The following NFATC1 variants were observed in gnomAD, a reference collection of about 807,000 sequenced individuals.
NFATC1 encodes nuclear factor of activated T-cells, cytoplasmic 1.
NFATC1 carries 22 observed loss-of-function variants against 76.0 expected under a neutral mutation model. The ratio of observed to expected loss-of-function variants is 0.29; its 90% CI spans 0.21 to 0.41. The LOEUF is 0.41. NFATC1 is among the 10% of genes least tolerant of loss of function. NFATC1 has a pLI of 1.00. For missense variants in NFATC1, 1,357 were observed against 1,337.7 expected (o/e 1.01, Z -0.23); for synonymous variants, 704 against 613.1 (o/e 1.15, Z -2.19).
chr18:79,483,444 G>A (rs1478522253), intron 8 of NFATC1, among the ~76,000 whole-genome samples: 2 of 141,756 alleles, frequency 1.4e-5, no homozygotes, highest in Non-Finnish European at 3.1e-5. Flanking sequence ...CTGGTCCTGG[G>A]GTGTAAGTCC....
chr18:79,434,664 G>A (rs951340354), intron 3 of NFATC1, among the ~76,000 whole-genome samples: 3 of 152,260 alleles, frequency 2.0e-5, no homozygotes, highest in Non-Finnish European at 2.9e-5. Context: ...CCCCAGCCCC[G>A]TTATTTAGGG....
chr18:79,452,685 C>T (rs2087526342), intron 6 of NFATC1, among the ~76,000 whole-genome samples: 1 of 152,324 alleles, frequency 6.6e-6, no homozygotes, highest in Admixed American at 6.5e-5. Context: ...GGGACCCTAG[C>T]CCAGCCCTCA....
In NFATC1 at chr18:79,528,474, C is replaced by T. The variant is rs1324028236; in HGVS notation, c.*897C>T. 6.6e-6 allele frequency: 1 copy of T among 152,276 alleles called. No homozygotes were observed. The highest frequency in any genetic ancestry group is 1.5e-5 in the Non-Finnish European group (1 of 68,056). 9.4% of individuals were successfully genotyped at this position (152,276 alleles called of 1,614,324 possible). A position where few individuals can be genotyped will look rare whatever the true frequency, so the allele number is the denominator to read the frequency against. ...CAATAACCGGCATCCGTTTTGGAAC[C>T]TGCGTCTGGGGCTCCAGTCGCTGCT... On this transcript the variant is annotated 3_prime_UTR_variant, in exon 10 of 10. Coordinates refer to ENST00000427363, the MANE Select transcript of NFATC1 (RefSeq NM_001278669.2).
intron 9 of NFATC1, chr18:79,523,825 C>T (rs756929090): frequency 2.0e-5 from 3 of 152,152 alleles, no homozygotes; most frequent in Non-Finnish European, 4.4e-5. Context: ...AAAAGCCCTC[C>T]TTATTAAATT....
chr18:79,476,199 G>A (rs1448874926), intron 8 of NFATC1, among the ~76,000 whole-genome samples: 2 of 152,212 alleles, frequency 1.3e-5, no homozygotes, highest in Non-Finnish European at 2.9e-5. Context: ...GCTTGGCGAC[G>A]CCAGCCGCGC....
intron 8 of NFATC1, among the ~76,000 whole-genome samples, chr18:79,475,901 CAG>C (rs2089046924): frequency 6.6e-6 from 1 of 152,204 alleles, no homozygotes. Context: ...CTGCAGAAAT[CAG>C]AGATGAGGGG....
rs1219933607 is a variant in NFATC1, at chr18:79,522,461, G to C, written c.2783-5067G>C. On this transcript the variant is annotated intron_variant, in intron 9 of 9. Transcript: ENST00000427363. ...TTTTGTGTGTGTGTTGGGGGGGTGCGTCTACTGATGTCTGTGTGTGGAGGG... is the reference window on the plus strand; with the variant it reads ...TTTTGTGTGTGTGTTGGGGGGGTGCCTCTACTGATGTCTGTGTGTGGAGGG... Among the ~76,000 whole-genome samples the C allele has an allele frequency of 2.6e-5, 3 of 117,010 alleles. No individual in the cohort carries two copies. In the Admixed American group the frequency reaches 3.0e-4, roughly 12 times the overall value. 76.8% of individuals were successfully genotyped at this position (117,010 alleles called of 152,430 possible).
At chr18:79,476,773 GGTT>G (rs2089090233) in intron 8 of NFATC1, among the ~76,000 whole-genome samples, 2 of 152,342 alleles carry the variant, frequency 1.3e-5, no homozygotes, top group South Asian at 4.1e-4. Flanking sequence ...ACATGGCCAG[GGTT>G]AGCCACGGTT....
At chr18:79,411,833 G>A (rs1381906443) in intron 2 of NFATC1, among the ~76,000 whole-genome samples, 3 of 152,252 alleles carry the variant, frequency 2.0e-5, no homozygotes, top group Non-Finnish European at 2.9e-5. Context: ...CCCTGCTGGC[G>A]GTCAGGGCTT....
chr18:79,397,220 C>CCCTTGCAGAGGTGTGAGCAGAGGTGT (rs950800529), intron 1 of NFATC1, among the ~76,000 whole-genome samples: 1 of 152,154 alleles, frequency 6.6e-6, no homozygotes, highest in African/African-American at 2.4e-5. Context: ...TGTGAGCATA[C>CCCTTGCAGAGGTGTGAGCAGAGGTGT]GAGTTAGGGA....
chr18:79,402,786 C>G (rs890312139), intron 1 of NFATC1, among the ~76,000 whole-genome samples: 1 of 152,228 alleles, frequency 6.6e-6, no homozygotes. Flanking sequence ...ACCATTATTA[C>G]TGCATTTTGA....
At chr18:79,463,693 A>G (rs971143904) in intron 7 of NFATC1, among the ~76,000 whole-genome samples, 5 of 152,160 alleles carry the variant, frequency 3.3e-5, no homozygotes, top group Non-Finnish European at 7.4e-5. Context: ...TGCTGGGTAC[A>G]CTGACATCTG....
chr18:79,449,506 G>GT (rs2087365722), intron 4 of NFATC1, among the ~76,000 whole-genome samples: 1 of 152,248 alleles, frequency 6.6e-6, no homozygotes, highest in African/African-American at 2.4e-5. Flanking sequence ...GCTTGTGCTG[G>GT]GCACGCTGGC....
At chr18:79,451,406 G>A (rs148385224) in intron 5 of NFATC1, among the ~76,000 whole-genome samples, 6 of 152,376 alleles carry the variant, frequency 3.9e-5, no homozygotes, top group Middle Eastern at 3.4e-3. Context: ...TGACCTTTGC[G>A]TATTTGTGCG....
At chr18:79,522,159 GTGT>G (rs1251235510) in intron 9 of NFATC1, among the ~76,000 whole-genome samples, 21 of 39,346 alleles carry the variant, frequency 5.3e-4, no homozygotes, top group African/African-American at 6.9e-4. Context: ...GTCTGTGTGT[GTGT>G]GGGGGGGTAT....
In NFATC1 at chr18:79,486,550, G is replaced by A. The variant is rs199958849; in HGVS notation, c.2395G>A (p.Ala799Thr). The A allele has an allele frequency of 5.1e-4, 819 of 1,595,216 alleles. No individual in the cohort carries two copies. Among genetic ancestry groups the A allele is most frequent in the Non-Finnish European group, 6.5e-4 (760 of 1,176,186 alleles). Reference protein sequence around the residue: ...GLPQPAGEAPAVQDVPRPVAT... With the variant: ...GLPQPAGEAPTVQDVPRPVAT... The stretch of plus-strand genomic sequence containing the variant: ...CCCGCAGCCGGCCGGAGAGGCCCCC[G>A]CCGTCCAGGACGTGCCCAGGCCAGT... Residue 799 changes from alanine (A) to threonine (T), a missense_variant, in exon 9 of 10, where the codon GCC becomes ACC. By Grantham distance (58) the Ala-to-Thr change is moderately conservative. Coordinates refer to ENST00000427363, the MANE Select transcript of NFATC1 (RefSeq NM_001278669.2).
At chr18:79,486,997 G>T in intron 9 of NFATC1, 60 bp downstream of exon 9, 2 of 1,517,516 alleles carry the variant, frequency 1.3e-6, no homozygotes, top group Non-Finnish European at 1.8e-6. Flanking sequence ...TGAGCTCATG[G>T]AGGGGCCGTG....
At chr18:79,452,727 C>T (rs755685657) in intron 6 of NFATC1, among the ~76,000 whole-genome samples, 4 of 152,238 alleles carry the variant, frequency 2.6e-5, no homozygotes, top group African/African-American at 9.6e-5. Context: ...CCTGGCTCTC[C>T]GCAAAGCCTG....
intron 9 of NFATC1, among the ~76,000 whole-genome samples, chr18:79,487,794 CT>C (rs1332032836): frequency 6.6e-6 from 1 of 152,212 alleles, no homozygotes; most frequent in Non-Finnish European, 1.5e-5. Flanking sequence ...CTCGTGTTTT[CT>C]GGCCCTGCGG....
Sources: allele counts gnomAD v4.1 joint callset (sites outside exome capture counted in the v4.1 genomes callset), GRCh38; gene constraint gnomAD v4.1.1; transcripts MANE v1.5; gene names NCBI Gene and HGNC (gene_info 2026-07-23, HGNC 2026-07-21).